PPP3CA: variants seen among roughly 807,000 people sequenced by gnomAD.
PPP3CA encodes the protein protein phosphatase 3 catalytic subunit alpha.
Under a neutral mutation model 66.5 loss-of-function variants are expected in PPP3CA, and 14 were observed. That is an observed-to-expected ratio of 0.21 (90% CI 0.14 to 0.33). PPP3CA has a LOEUF of 0.33. Among genes scored for constraint, PPP3CA ranks in the 10% least tolerant of loss-of-function variants. PPP3CA has a pLI of 1.00. For synonymous variants in PPP3CA, 232 were observed against 226.2 expected, an observed-to-expected ratio of 1.03 and a Z score of -0.23; for missense variants, 317 against 639.5, an observed-to-expected ratio of 0.50 and a Z score of 5.44.
intron 2 of PPP3CA, among the ~76,000 whole-genome samples, chr4:101,195,267 C>CAA (rs11326830): frequency 0.24 from 30,700 of 127,592 alleles, 5,243 homozygotes; most frequent in African/African-American, 0.51. Context: ...AACTTCATCT[C>CAA]AAAAAAAAAA....
At chr4:101,055,781 G>A (rs1410801019) in intron 10 of PPP3CA, among the ~76,000 whole-genome samples, 1 of 151,902 alleles carries the variant, frequency 6.6e-6, no homozygotes, top group Non-Finnish European at 1.5e-5. Context: ...TGTTTCATAT[G>A]CATTGACTTT....
At position 101,334,432 on chromosome 4, in the gene PPP3CA, C is replaced by A. The variant is rs758178007; in HGVS notation, c.58+12307G>T. Among the ~76,000 whole-genome samples the A allele has an allele frequency of 9.2e-5, 14 of 152,222 alleles. No homozygotes were observed. The South Asian group carries it at 1.7e-3, about 18-fold the overall frequency. On this transcript the variant is annotated intron_variant, in intron 1 of 13. Transcript: ENST00000394854. ...TACAAGTGTGAGCCACCGCGCCCAA[C>A]CCCCGAGTGACAATTTCAAAGAGGC...
intron 1 of PPP3CA, among the ~76,000 whole-genome samples, chr4:101,206,141 G>A (rs1281758038): frequency 6.6e-6 from 1 of 152,100 alleles, no homozygotes; most frequent in Non-Finnish European, 1.5e-5. Context: ...CACAGTCTGC[G>A]GTTCACCATT....
chr4:101,123,815 T>A (rs1294361197), intron 2 of PPP3CA, among the ~76,000 whole-genome samples: 1 of 152,196 alleles, frequency 6.6e-6, no homozygotes, highest in Non-Finnish European at 1.5e-5. Flanking sequence ...TTCTGGCAAG[T>A]AATTATACCT....
intron 6 of PPP3CA, among the ~76,000 whole-genome samples, chr4:101,085,271 T>C (rs1366825676): frequency 6.6e-6 from 1 of 152,230 alleles, no homozygotes; most frequent in Non-Finnish European, 1.5e-5. Flanking sequence ...TTGTTACCAC[T>C]GTCAGACAGG....
chr4:101,072,336 C>T (rs1293691285), intron 8 of PPP3CA, among the ~76,000 whole-genome samples: 2 of 152,082 alleles, frequency 1.3e-5, no homozygotes, highest in Non-Finnish European at 2.9e-5. Flanking sequence ...ATTAGTGGAT[C>T]GTTCACAAAC....
intron 1 of PPP3CA, among the ~76,000 whole-genome samples, chr4:101,286,943 T>C (rs1239270977): frequency 6.6e-6 from 1 of 152,056 alleles, no homozygotes; most frequent in Admixed American, 6.6e-5. Context: ...AGCTGGGACT[T>C]GAACCTGTAG....
chr4:101,129,172 C>T (rs1018885871), intron 2 of PPP3CA, among the ~76,000 whole-genome samples: 10 of 152,152 alleles, frequency 6.6e-5, no homozygotes, highest in South Asian at 2.1e-4. Context: ...TCAGCAATGA[C>T]GATGTAGCCA....
intron 3 of PPP3CA, among the ~76,000 whole-genome samples, chr4:101,106,473 A>G (rs201149232): frequency 0.08 from 3,452 of 43,162 alleles, 738 homozygotes; most frequent in South Asian, 0.26. Flanking sequence ...AAGAAAAGAA[A>G]AGAAAAGAAA....
intron 8 of PPP3CA, among the ~76,000 whole-genome samples, chr4:101,075,681 T>C (rs917255723): frequency 2.6e-5 from 4 of 152,198 alleles, no homozygotes; most frequent in African/African-American, 9.7e-5. Context: ...CTGAGTTGTT[T>C]AAGCCAATGT....
chr4:101,091,100 T>C (rs1291619821), intron 6 of PPP3CA, among the ~76,000 whole-genome samples: 1 of 152,036 alleles, frequency 6.6e-6, no homozygotes, highest in South Asian at 2.1e-4. Flanking sequence ...CGAAAACGAA[T>C]AGAATGCTAT....
intron 2 of PPP3CA, among the ~76,000 whole-genome samples, chr4:101,182,724 A>G (rs1724279961): frequency 6.6e-6 from 1 of 152,200 alleles, no homozygotes; most frequent in Non-Finnish European, 1.5e-5. Context: ...CTGTATGCCC[A>G]TCCAAATCTC....
chr4:101,185,903 C>T (rs2110179840), intron 2 of PPP3CA, among the ~76,000 whole-genome samples: 1 of 152,284 alleles, frequency 6.6e-6, no homozygotes, highest in South Asian at 2.1e-4. Flanking sequence ...TCATCTATTA[C>T]ATGGATATCC....
At chr4:101,293,686 GA>G (rs1448178697) in intron 1 of PPP3CA, among the ~76,000 whole-genome samples, 3 of 152,164 alleles carry the variant, frequency 2.0e-5, no homozygotes, top group Non-Finnish European at 4.4e-5. Context: ...GAGACATCCA[GA>G]GGCCCACGCC....
intron 2 of PPP3CA, among the ~76,000 whole-genome samples, chr4:101,111,439 T>C (rs988787751): frequency 3.3e-5 from 5 of 152,118 alleles, no homozygotes; most frequent in Non-Finnish European, 7.4e-5. Flanking sequence ...GTCAAACATT[T>C]GTAAGTTAAG....
intron 1 of PPP3CA, among the ~76,000 whole-genome samples, chr4:101,223,992 A>T (rs1725705250): frequency 6.6e-6 from 1 of 151,834 alleles, no homozygotes; most frequent in African/African-American, 2.4e-5. Flanking sequence ...GGGAAAACAA[A>T]ATTTGGGGCT....
chr4:101,058,191 TAA>T (rs2110222968), intron 10 of PPP3CA, among the ~76,000 whole-genome samples: 1 of 152,292 alleles, frequency 6.6e-6, no homozygotes, highest in Non-Finnish European at 1.5e-5. Context: ...CCCAATCTGA[TAA>T]GTTATAGACA....
chr4:101,326,027 T>C (rs1729196600), intron 1 of PPP3CA, among the ~76,000 whole-genome samples: 1 of 152,064 alleles, frequency 6.6e-6, no homozygotes, highest in Admixed American at 6.6e-5. Context: ...TAGTCCCAGC[T>C]ACTCAGAAGG....
At chr4:101,322,163 T>C (rs1211897403) in intron 1 of PPP3CA, among the ~76,000 whole-genome samples, 2 of 152,118 alleles carry the variant, frequency 1.3e-5, no homozygotes, top group Non-Finnish European at 2.9e-5. Flanking sequence ...CCATAAAAAA[T>C]AGATAGCACA....
Sources: gnomAD v4.1 joint callset for allele counts (sites outside exome capture counted in the v4.1 genomes callset) on GRCh38, gnomAD v4.1.1 for gene constraint, MANE v1.5 for transcripts, NCBI Gene and HGNC (gene_info 2026-07-23, HGNC 2026-07-21) for gene names.